MBNL2: variants seen among roughly 807,000 people sequenced by gnomAD.
The protein encoded by MBNL2 is muscleblind-like protein 2.
MBNL2 carries 17 observed loss-of-function variants against 41.9 expected under a neutral mutation model. The observed-to-expected ratio is 0.41, with a 90% CI of 0.28 to 0.61. The LOEUF is 0.61. Ranked by LOEUF, MBNL2 falls within the 20% of genes least tolerant of loss-of-function variation. MBNL2 has a pLI of 0.35. For missense variants in MBNL2, 336 were observed against 505.6 expected (o/e 0.66, Z 3.22); for synonymous variants, 195 against 182.9 (o/e 1.07, Z -0.53).
chr13:97,224,604 C>A, intron 1 of MBNL2, among the ~76,000 whole-genome samples: 1 of 122,844 alleles, frequency 8.1e-6, no homozygotes, highest in South Asian at 2.6e-4. Flanking sequence ...CATCATTTAG[C>A]ATTTTGAGAC....
chr13:97,313,154 G>A (rs760241173), intron 2 of MBNL2, among the ~76,000 whole-genome samples: 1 of 152,200 alleles, frequency 6.6e-6, no homozygotes, highest in Non-Finnish European at 1.5e-5. Flanking sequence ...GAATTGGAAA[G>A]TGGAGGCTCC....
At chr13:97,179,922 T>C in the MBNL2 span, among the ~76,000 whole-genome samples, 28 of 152,338 alleles carry the variant, frequency 1.8e-4, no homozygotes, top group Non-Finnish European at 3.2e-4. Context: ...GTTCCCCTTA[T>C]AGATTCTTGT....
chr13:97,159,800 C>A, the MBNL2 span, among the ~76,000 whole-genome samples: 17 of 151,486 alleles, frequency 1.1e-4, no homozygotes, highest in Non-Finnish European at 2.2e-4. Flanking sequence ...TTGAGGGTAA[C>A]CCGACCTTTC....
At chr13:97,153,599 TAAA>T in the MBNL2 span, among the ~76,000 whole-genome samples, 1 of 152,024 alleles carries the variant, frequency 6.6e-6, no homozygotes, top group Non-Finnish European at 1.5e-5. Context: ...CAGTAAGAAA[TAAA>T]AAGACCATTT....
chr13:97,173,825 T>G, the MBNL2 span, among the ~76,000 whole-genome samples: 2 of 152,204 alleles, frequency 1.3e-5, no homozygotes, highest in Non-Finnish European at 2.9e-5. Context: ...CTGGCTAATG[T>G]GGAATCATCT....
intron 2 of MBNL2, among the ~76,000 whole-genome samples, chr13:97,327,539 C>T (rs920607232): frequency 8.4e-6 from 1 of 119,386 alleles, no homozygotes; most frequent in African/African-American, 3.4e-5. Context: ...GGCACAGGCA[C>T]AGACTATTAT....
chr13:97,322,827 A>G (rs534056297), intron 2 of MBNL2, among the ~76,000 whole-genome samples: 18 of 152,284 alleles, frequency 1.2e-4, no homozygotes, highest in Non-Finnish European at 1.8e-4. Flanking sequence ...TTGTCATAGT[A>G]TATTTATAAT....
rs142754078 is a variant in MBNL2 at position 97,312,195 on chromosome 13, C to T, written c.175-22081C>T. 3.4e-3 allele frequency among the ~76,000 whole-genome samples: 511 copies of T among 152,276 alleles called. 5 individuals carry two copies. Among genetic ancestry groups the T allele is most frequent in the Middle Eastern group, 0.01 (3 of 294 alleles). ...TGCTCCAGCCTTTGGCAAAGTGCTT[C>T]CGAGTGCATGAAAATCAATCAATGG... is the stretch of plus-strand genomic sequence containing the variant. On this transcript the variant is annotated intron_variant, in intron 2 of 8. Transcript: ENST00000679496.
At chr13:97,181,301 G>A in the MBNL2 span, among the ~76,000 whole-genome samples, 1 of 152,016 alleles carries the variant, frequency 6.6e-6, no homozygotes, top group African/African-American at 2.4e-5. Context: ...CAGGTTCCTG[G>A]ATTTGAATGT....
intron 2 of MBNL2, among the ~76,000 whole-genome samples, chr13:97,329,100 C>T (rs1017350024): frequency 1.3e-5 from 2 of 152,092 alleles, no homozygotes; most frequent in African/African-American, 2.4e-5. Context: ...TTCCTCCTGT[C>T]GAGAATCAAC....
chr13:97,177,477 A>T, the MBNL2 span, among the ~76,000 whole-genome samples: 1 of 152,224 alleles, frequency 6.6e-6, no homozygotes, highest in Non-Finnish European at 1.5e-5. Context: ...ATAACTCTGT[A>T]GGAGTTTCAG....
the MBNL2 span, among the ~76,000 whole-genome samples, chr13:97,209,910 C>T: frequency 1.3e-5 from 2 of 152,178 alleles, no homozygotes; most frequent in South Asian, 2.1e-4. Context: ...ATTCTCATGC[C>T]GCAGCCTCCC....
At chr13:97,221,674 T>C (rs1016269900), upstream of MBNL2, 1 of 152,216 alleles carries the variant, frequency 6.6e-6, no homozygotes, top group Non-Finnish European at 1.5e-5. Flanking sequence ...ATCAATTTTA[T>C]TGTCCAGCAT....
chr13:97,209,881 C>T, the MBNL2 span, among the ~76,000 whole-genome samples: 7 of 152,272 alleles, frequency 4.6e-5, 1 homozygote, highest in Admixed American at 6.5e-5. Context: ...TTGCAACCTC[C>T]GCCTCCTGGG....
chr13:97,332,056 C>T (rs973508822), intron 2 of MBNL2, among the ~76,000 whole-genome samples: 2 of 152,190 alleles, frequency 1.3e-5, no homozygotes, highest in Non-Finnish European at 2.9e-5. Context: ...AACAGCCATA[C>T]TGGTAGAAAT....
intron 2 of MBNL2, among the ~76,000 whole-genome samples, chr13:97,279,973 A>AT (rs1350759643): frequency 5.3e-5 from 8 of 152,090 alleles, no homozygotes; most frequent in Admixed American, 1.3e-4. Flanking sequence ...AGTGGCTGTG[A>AT]TTTTTTTGGA....
the MBNL2 span, among the ~76,000 whole-genome samples, chr13:97,215,066 G>T: frequency 5.3e-4 from 81 of 152,354 alleles, 4 homozygotes; most frequent in South Asian, 0.014. Context: ...GAGAACCATA[G>T]GCTTCGCCCC....
the MBNL2 span, among the ~76,000 whole-genome samples, chr13:97,213,452 T>A: frequency 9.2e-5 from 14 of 152,300 alleles, no homozygotes; most frequent in South Asian, 2.9e-3. Context: ...GAAAACCCCG[T>A]CTTGGAAATT....
the MBNL2 span, among the ~76,000 whole-genome samples, chr13:97,158,228 G>A: frequency 6.6e-6 from 1 of 151,712 alleles, no homozygotes. Context: ...ATTTCTGTGG[G>A]ATCAGTGGTG....
Sources: gnomAD v4.1 joint callset for allele counts (sites outside exome capture counted in the v4.1 genomes callset) on GRCh38, gnomAD v4.1.1 for gene constraint, MANE v1.5 for transcripts, NCBI Gene and HGNC (gene_info 2026-07-23, HGNC 2026-07-21) for gene names.